The following GPM6A variants were observed in gnomAD, a reference collection of about 807,000 sequenced individuals.
GPM6A encodes the protein neuronal membrane glycoprotein M6-a.
Under a neutral mutation model 32.1 loss-of-function variants are expected in GPM6A, and 7 were observed. That is an observed-to-expected ratio of 0.22 (90% CI 0.12 to 0.41). The LOEUF (loss-of-function observed/expected upper bound fraction) is 0.41, where lower values mean the gene tolerates loss of function less well. Among genes scored for constraint, GPM6A ranks in the 10% least tolerant of loss-of-function variants. The probability of loss-of-function intolerance (pLI) is 1.00; values close to 1 mark genes in which losing one functional copy is unlikely to be tolerated. For synonymous variants in GPM6A, 130 were observed against 123.4 expected, an observed-to-expected ratio of 1.05 and a Z score of -0.35; for missense variants, 235 against 347.2, an observed-to-expected ratio of 0.68 and a Z score of 2.57.
chr4:175,913,794 C>A (rs1399588182), intron 1 of GPM6A, among the ~76,000 whole-genome samples: 1 of 152,134 alleles, frequency 6.6e-6, no homozygotes, highest in Non-Finnish European at 1.5e-5. Flanking sequence ...TGTAAACCCA[C>A]CCGGATAGCA....
intron 1 of GPM6A, among the ~76,000 whole-genome samples, chr4:175,953,444 A>C (rs1579659557): frequency 6.6e-6 from 1 of 152,230 alleles, no homozygotes; most frequent in East Asian, 1.9e-4. Flanking sequence ...TTCTAACCAC[A>C]AAAAGAGTAG....
At chr4:175,999,000 A>G (rs1317955088) in intron 1 of GPM6A, among the ~76,000 whole-genome samples, 1 of 152,142 alleles carries the variant, frequency 6.6e-6, no homozygotes, top group East Asian at 1.9e-4. Flanking sequence ...CCTTACTGCC[A>G]TGAGAAGGAG....
At chr4:175,813,961 G>A (rs1735023417), upstream of GPM6A, among the ~76,000 whole-genome samples, 1 of 151,322 alleles carries the variant, frequency 6.6e-6, no homozygotes, top group South Asian at 2.1e-4. Flanking sequence ...TGAGAGAGCT[G>A]CTTGCTCAGT....
intron 3 of GPM6A, among the ~76,000 whole-genome samples, chr4:175,654,512 G>A (rs1741971166): frequency 6.6e-6 from 1 of 151,942 alleles, no homozygotes. Flanking sequence ...TACTACTCTT[G>A]CTACATATAT....
intron 1 of GPM6A, among the ~76,000 whole-genome samples, chr4:175,800,268 A>C (rs78640136): frequency 6.6e-6 from 1 of 152,138 alleles, no homozygotes; most frequent in South Asian, 2.1e-4. Flanking sequence ...AATATAAAAA[A>C]CCCAAAATTA....
chr4:175,964,519 G>A (rs180714889), intron 1 of GPM6A, among the ~76,000 whole-genome samples: 143 of 152,306 alleles, frequency 9.4e-4, no homozygotes, highest in Non-Finnish European at 1.9e-3. Context: ...TTTGTTCTGA[G>A]TTCTTTCTCC....
rs573220540 is a variant in GPM6A at position 175,848,228 on chromosome 4, A to G, written c.-22-35979T>C. 5.9e-5 allele frequency among the ~76,000 whole-genome samples: 9 copies of G among 152,300 alleles called. No homozygotes were observed. In the East Asian group the frequency reaches 1.7e-3, roughly 29 times the overall value. On this transcript the variant is annotated intron_variant, in intron 1 of 7. Transcript: ENST00000280187. ...CATTTGCAATAATGTATAATTTTAA[A>G]TGACAGCATATTTTGTAGCTGTCTT...
chr4:175,990,015 A>C (rs910877349), intron 1 of GPM6A, among the ~76,000 whole-genome samples: 1 of 152,198 alleles, frequency 6.6e-6, no homozygotes, highest in African/African-American at 2.4e-5. Flanking sequence ...GTCATACCAG[A>C]TCATCCTCCT....
At chr4:175,828,846 C>T (rs4690635) in intron 1 of GPM6A, among the ~76,000 whole-genome samples, 147,196 of 152,142 alleles carry the variant, frequency 0.97, 71,406 homozygotes, top group East Asian at 1. Context: ...AATATATTTA[C>T]ATAAATAGAA....
chr4:175,638,636 T>C (rs968287690), intron 6 of GPM6A, among the ~76,000 whole-genome samples: 1 of 152,130 alleles, frequency 6.6e-6, no homozygotes, highest in African/African-American at 2.4e-5. Context: ...AGTGTATACC[T>C]GTATTTTTAG....
chr4:175,908,847 T>C (rs1449143809), intron 1 of GPM6A, among the ~76,000 whole-genome samples: 1 of 152,094 alleles, frequency 6.6e-6, no homozygotes, highest in Admixed American at 6.6e-5. Flanking sequence ...TCTCATATTG[T>C]ATTGGGCTTT....
chr4:175,901,401 A>AC (rs1348753912), intron 1 of GPM6A, among the ~76,000 whole-genome samples: 1 of 152,066 alleles, frequency 6.6e-6, no homozygotes, highest in East Asian at 1.9e-4. Flanking sequence ...TATTTCATGT[A>AC]CCCCATAAAT....
intron 2 of GPM6A, among the ~76,000 whole-genome samples, chr4:175,680,489 A>G (rs866756074): frequency 6.6e-6 from 1 of 152,222 alleles, no homozygotes; most frequent in Non-Finnish European, 1.5e-5. Context: ...TATATAGTCA[A>G]TATACTGTGT....
At chr4:175,745,943 T>C (rs756361502) in intron 1 of GPM6A, among the ~76,000 whole-genome samples, 1 of 152,090 alleles carries the variant, frequency 6.6e-6, no homozygotes, top group Non-Finnish European at 1.5e-5. Context: ...TGAATGTGGA[T>C]TTAAGCTGGG....
intron 1 of GPM6A, among the ~76,000 whole-genome samples, chr4:175,893,161 C>T (rs760892673): frequency 9.9e-5 from 15 of 152,192 alleles, no homozygotes; most frequent in Non-Finnish European, 2.9e-5. Flanking sequence ...GAGCCTGATG[C>T]TCAGGTTCTC....
intron 1 of GPM6A, among the ~76,000 whole-genome samples, chr4:175,823,507 T>C (rs1224661214): frequency 6.6e-6 from 1 of 152,186 alleles, no homozygotes; most frequent in East Asian, 1.9e-4. Flanking sequence ...AATACAACTT[T>C]ATGCAAAACT....
At chr4:175,982,967 A>T (rs1160217277) in intron 1 of GPM6A, among the ~76,000 whole-genome samples, 1 of 151,964 alleles carries the variant, frequency 6.6e-6, no homozygotes, top group East Asian at 1.9e-4. Flanking sequence ...TACCTATTTT[A>T]TATATTTTGG....
chr4:175,828,822 T>C (rs1473797730), intron 1 of GPM6A, among the ~76,000 whole-genome samples: 2 of 152,046 alleles, frequency 1.3e-5, no homozygotes, highest in Admixed American at 1.3e-4. Context: ...AAACTTTATC[T>C]TTTAATGATA....
At chr4:175,705,855 T>C (rs1191900601) in intron 1 of GPM6A, among the ~76,000 whole-genome samples, 1 of 152,128 alleles carries the variant, frequency 6.6e-6, no homozygotes, top group East Asian at 1.9e-4. Flanking sequence ...TGATAAAGAT[T>C]ACTTTGAACA....
Sources: gnomAD v4.1 joint callset for allele counts (sites outside exome capture counted in the v4.1 genomes callset) on GRCh38, gnomAD v4.1.1 for gene constraint, MANE v1.5 for transcripts, NCBI Gene and HGNC (gene_info 2026-07-23, HGNC 2026-07-21) for gene names.